Variants in ADAM12 observed in about 807,000 individuals in gnomAD.
ADAM12 encodes the protein disintegrin and metalloproteinase domain-containing protein 12.
Under a neutral mutation model 106.4 loss-of-function variants are expected in ADAM12, and 70 were observed. The ratio of observed to expected loss-of-function variants is 0.66; its 90% CI spans 0.54 to 0.80. The LOEUF (loss-of-function observed/expected upper bound fraction) is 0.80. Among genes scored for constraint, ADAM12 ranks in the 30% least tolerant of loss-of-function variants. The pLI is 0.00. For synonymous variants in ADAM12, 420 were observed against 433.5 expected (o/e 0.97, Z 0.39); for missense variants, 1,010 against 1,171.9 (o/e 0.86, Z 2.02).
At chr10:126,306,940 G>A (rs1302784424) in intron 2 of ADAM12, among the ~76,000 whole-genome samples, 1 of 152,112 alleles carries the variant, frequency 6.6e-6, no homozygotes, top group Non-Finnish European at 1.5e-5. Context: ...TATCTCCTTA[G>A]ACATTGCTTC....
At chr10:126,022,995 A>G (rs930893224) in intron 21 of ADAM12, among the ~76,000 whole-genome samples, 1 of 152,218 alleles carries the variant, frequency 6.6e-6, no homozygotes, top group African/African-American at 2.4e-5. Context: ...GACCAGCATC[A>G]TGAAGTCTCA....
At chr10:126,363,172 G>C (rs1855796652) in intron 1 of ADAM12, among the ~76,000 whole-genome samples, 1 of 152,048 alleles carries the variant, frequency 6.6e-6, no homozygotes, top group Non-Finnish European at 1.5e-5. Context: ...CTGAAAACAT[G>C]GGGACAATAA....
chr10:126,193,264 C>CAAAA (rs757716875), intron 3 of ADAM12, among the ~76,000 whole-genome samples: 4 of 26,628 alleles, frequency 1.5e-4, no homozygotes, highest in African/African-American at 2.6e-4. Flanking sequence ...GACTCCATCT[C>CAAAA]AAAAAAAAAA....
At position 126,043,141 on chromosome 10, in the gene ADAM12, T is replaced by A; in HGVS notation, c.2003A>T (p.Asn668Ile). 1.2e-6 allele frequency: 2 copies of A among 1,614,064 alleles called. No individual in the cohort carries two copies. The highest frequency in any genetic ancestry group is 2.2e-5 in the South Asian group (2 of 91,066). Residue 668 changes from asparagine (N) to isoleucine (I), a missense_variant, in exon 18 of 23, where the codon AAC becomes ATC. Physicochemically the swap from Asn to Ile is moderately radical, Grantham distance 149 (BLOSUM62 -3). Coordinates refer to ENST00000448723, the MANE Select transcript of ADAM12 (RefSeq NM_001288973.2). The surrounding 1 kb of genome is among the most constrained non-coding windows in gnomAD (Gnocchi z 4.1). ...CTCGCAGTGGCAGTTCTTCCTGTTG[T>A]TGCACACCTTTCAGGGCAGAGGGGA... ...AMQCHGRGVC[N>I]NRKNCHCEAH...
At chr10:126,062,607 C>A (rs980580770) in intron 14 of ADAM12, among the ~76,000 whole-genome samples, 3 of 152,180 alleles carry the variant, frequency 2.0e-5, no homozygotes, top group African/African-American at 4.8e-5. Flanking sequence ...CAGCTTTGGT[C>A]ACCATGAATC....
rs1270579184 is a variant in ADAM12 at position 126,113,688 on chromosome 10, ATATATATATATATATATAT to A, written c.604-3867_604-3849del. Reference sequence around the variant, plus strand: ...AAAAAAAAAAAAAAAAAAAAAAAAAATATATATATATATATATATATATATATATATATATATATATATA... The same window carrying A: ...AAAAAAAAAAAAAAAAAAAAAAAAAAATATATATATATATATATATATATA... On this transcript the variant is annotated intron_variant, in intron 6 of 22. Coordinates refer to ENST00000448723, the MANE Select transcript of ADAM12 (RefSeq NM_001288973.2). 3.2e-3 allele frequency among the ~76,000 whole-genome samples: 32 copies of A among 10,144 alleles called. 1 individual carries two copies. Among genetic ancestry groups the A allele is most frequent in the Admixed American group, 0.012 (5 of 406 alleles). The allele number at this position is 10,144 out of a possible 152,430, so 6.7% of individuals were successfully genotyped here. A position where few individuals can be genotyped will look rare whatever the true frequency, so the allele number is the denominator to read the frequency against.
At chr10:126,203,826 T>C (rs1957744797) in intron 3 of ADAM12, among the ~76,000 whole-genome samples, 1 of 152,152 alleles carries the variant, frequency 6.6e-6, no homozygotes, top group Non-Finnish European at 1.5e-5. Context: ...CCCAGTTCTG[T>C]GTTGGGAGTG....
chr10:126,259,235 T>G (rs1435997577), intron 3 of ADAM12, among the ~76,000 whole-genome samples: 2 of 152,098 alleles, frequency 1.3e-5, no homozygotes, highest in African/African-American at 4.8e-5. Context: ...GATTATCAGA[T>G]TCCCAGCTCA....
intron 3 of ADAM12, among the ~76,000 whole-genome samples, chr10:126,243,489 ATGTGTGTG>A (rs57227903): frequency 2.0e-5 from 3 of 146,944 alleles, no homozygotes; most frequent in Non-Finnish European, 4.5e-5. Flanking sequence ...GTGTGAGTGT[ATGTGTGTG>A]TGTGTGTGTG....
intron 3 of ADAM12, among the ~76,000 whole-genome samples, chr10:126,218,137 C>T (rs1446877521): frequency 6.8e-6 from 1 of 148,114 alleles, no homozygotes; most frequent in Non-Finnish European, 1.5e-5. Flanking sequence ...AATCATTAAT[C>T]ATTATCAGCA....
chr10:126,374,561 T>A (rs1210329232), intron 1 of ADAM12, among the ~76,000 whole-genome samples: 1 of 152,042 alleles, frequency 6.6e-6, no homozygotes, highest in Non-Finnish European at 1.5e-5. Flanking sequence ...AGTAAAGATA[T>A]TGAAAAATGT....
chr10:126,312,826 AAC>A (rs1278271563), intron 2 of ADAM12, among the ~76,000 whole-genome samples: 1 of 152,196 alleles, frequency 6.6e-6, no homozygotes, highest in Admixed American at 6.5e-5. Context: ...ACAAACCAGG[AAC>A]GATGCCCTCT....
At chr10:126,178,240 A>G (rs1316441758) in intron 3 of ADAM12, among the ~76,000 whole-genome samples, 1 of 152,110 alleles carries the variant, frequency 6.6e-6, no homozygotes, top group East Asian at 1.9e-4. Flanking sequence ...TATTGTAGTT[A>G]CAAAGCTTCT....
intron 3 of ADAM12, among the ~76,000 whole-genome samples, chr10:126,167,983 C>T (rs1484202920): frequency 6.6e-6 from 1 of 152,238 alleles, no homozygotes; most frequent in Non-Finnish European, 1.5e-5. Context: ...ATATCTTACA[C>T]CCAGCCCTTG....
At chr10:126,242,585 C>T (rs778953143) in intron 3 of ADAM12, among the ~76,000 whole-genome samples, 6 of 152,182 alleles carry the variant, frequency 3.9e-5, no homozygotes, top group Non-Finnish European at 8.8e-5. Context: ...TCTCCTGGCC[C>T]GTCCACAGTG....
intron 3 of ADAM12, among the ~76,000 whole-genome samples, chr10:126,212,959 C>T (rs1437494781): frequency 2.6e-5 from 4 of 151,040 alleles, no homozygotes; most frequent in East Asian, 1.9e-4. Flanking sequence ...CCTTTGAATG[C>T]ACATAATTTG....
chr10:126,221,782 C>T (rs1311137202), intron 3 of ADAM12, among the ~76,000 whole-genome samples: 1 of 152,230 alleles, frequency 6.6e-6, no homozygotes, highest in African/African-American at 2.4e-5. Context: ...TTAGATCCTT[C>T]TCATTCTCCC....
intron 5 of ADAM12, among the ~76,000 whole-genome samples, chr10:126,132,132 G>A (rs764474000): frequency 2.4e-4 from 37 of 152,004 alleles, no homozygotes; most frequent in Non-Finnish European, 4.0e-4. Flanking sequence ...ATGCCACCAC[G>A]CCCAGCTAAT....
chr10:126,130,823 G>T (rs568224564), intron 5 of ADAM12, among the ~76,000 whole-genome samples: 2 of 152,272 alleles, frequency 1.3e-5, no homozygotes, highest in South Asian at 4.1e-4. Flanking sequence ...ATTACTCTAG[G>T]AATACCTTCC....
Sources: allele counts gnomAD v4.1 joint callset (sites outside exome capture counted in the v4.1 genomes callset), GRCh38; gene constraint gnomAD v4.1.1; non-coding constraint Gnocchi (gnomAD v3.1); transcripts MANE v1.5; gene names NCBI Gene and HGNC (gene_info 2026-07-23, HGNC 2026-07-21).